The following FREM1 variants were observed in gnomAD, a reference collection of about 807,000 sequenced individuals.
FREM1 encodes the protein FRAS1 related extracellular matrix 1.
Under a neutral mutation model 210.1 loss-of-function variants are expected in FREM1, and 220 were observed. The observed-to-expected ratio is 1.05, with a 90% confidence interval of 0.94 to 1.17. The LOEUF is 1.17. FREM1 is among the 50% of genes most tolerant of loss of function. The pLI, the probability that FREM1 is intolerant of heterozygous loss-of-function variation, is 0.00. For synonymous variants in FREM1, 1,189 were observed against 980.2 expected, an observed-to-expected ratio of 1.21 and a Z score of -3.98; for missense variants, 3,454 against 2,675.5, an observed-to-expected ratio of 1.29 and a Z score of -6.42.
rs534937227 is a variant in FREM1, at chr9:14,876,235, A to T, written c.-267-6991T>A. Among the ~76,000 whole-genome samples, 734 of 152,288 alleles carry T rather than the reference A, an allele frequency of 4.8e-3. 6 individuals are homozygous for T. Among genetic ancestry groups the T allele is most frequent in the African/African-American group, 0.017 (713 of 41,544 alleles). ...GTCAGACAGGGACATTTAAGTCTGCAGAGGTTACTGCTGTCTTTTTGTTTT... is the reference window on the plus strand; with the variant it reads ...GTCAGACAGGGACATTTAAGTCTGCTGAGGTTACTGCTGTCTTTTTGTTTT... On this transcript the variant is annotated intron_variant, in intron 1 of 36. Transcript: ENST00000380880.
At chr9:14,868,622 C>G (rs758087096) in intron 2 of FREM1, 122 bp downstream of exon 2, 1 of 677,748 alleles carries the variant, frequency 1.5e-6, no homozygotes, top group Non-Finnish European at 2.6e-6. Context: ...TGAACATCTT[C>G]TAATACTCGT....
chr9:14,835,380 A>T (rs1211481578), intron 10 of FREM1, among the ~76,000 whole-genome samples: 3 of 152,228 alleles, frequency 2.0e-5, no homozygotes, highest in Non-Finnish European at 4.4e-5. Context: ...TGCAATAAGA[A>T]TCAATTTTTC....
At chr9:14,847,008 G>A (rs1286653211) in intron 7 of FREM1, among the ~76,000 whole-genome samples, 1 of 152,210 alleles carries the variant, frequency 6.6e-6, no homozygotes, top group Non-Finnish European at 1.5e-5. Context: ...TGCACCAGGG[G>A]ACCCAGGAAG....
chr9:14,840,106 T>C (rs182232700), intron 10 of FREM1, among the ~76,000 whole-genome samples: 3 of 152,314 alleles, frequency 2.0e-5, no homozygotes, highest in Non-Finnish European at 4.4e-5. Flanking sequence ...TCTCCTTCTG[T>C]TATACTCTTC....
In FREM1 at chr9:14,824,935, C is replaced by G; in HGVS notation, c.1939G>C (p.Val647Leu). The G allele has an allele frequency of 6.2e-7, 1 of 1,607,290 alleles. No homozygotes were observed. The highest frequency in any genetic ancestry group is 8.5e-7 in the Non-Finnish European group (1 of 1,178,392). ...TCCTTGACAACCAAATGCCGAGAAA[C>G]TCCAGGAGCCTCTTTTGGAAGCTGG... ...DDQLPKEAPG[V>L]SRHLVVKETE... The change falls in exon 11 of 37, where the codon GTT (valine) becomes CTT (leucine). Residue 647 changes from valine (V) to leucine (L), a missense_variant. Physicochemically the swap from Val to Leu is conservative, Grantham distance 32. Coordinates refer to ENST00000380880, the MANE Select transcript of FREM1 (RefSeq NM_001379081.2).
chr9:14,746,537 G>C (rs1842470091), intron 34 of FREM1, 69 bp from the exon 35 acceptor site: 1 of 1,186,700 alleles, frequency 8.4e-7, no homozygotes, highest in Admixed American at 1.7e-5. Flanking sequence ...AGCATAAGGA[G>C]TCCTACGAGT....
chr9:14,750,022 T>C, intron 30 of FREM1, 105 bp downstream of exon 30: 1 of 1,188,276 alleles, frequency 8.4e-7, no homozygotes, highest in Non-Finnish European at 1.2e-6. Context: ...TGACAAGAAA[T>C]TAAGCATTTT....
At chr9:14,807,411 A>C (rs1444018087) in intron 17 of FREM1, among the ~76,000 whole-genome samples, 1 of 152,206 alleles carries the variant, frequency 6.6e-6, no homozygotes, top group Non-Finnish European at 1.5e-5. Flanking sequence ...GCAAATTACA[A>C]TAACATTCAT....
At chr9:14,809,687 G>A (rs1160540642) in intron 16 of FREM1, among the ~76,000 whole-genome samples, 3 of 152,190 alleles carry the variant, frequency 2.0e-5, no homozygotes, top group Non-Finnish European at 4.4e-5. Context: ...AATTCACTCA[G>A]TAAATATTTA....
Position 14,737,411 on chromosome 9 carries a change from A to T in FREM1, c.6525T>A (p.Cys2175Ter). 1 of 1,613,658 alleles carries T rather than the reference A, an allele frequency of 6.2e-7. No homozygotes were observed. Among genetic ancestry groups the T allele is most frequent in the South Asian group, 1.1e-5 (1 of 91,036 alleles). ...CRRAKPHNYVCSRKL is the reference protein window; with the variant it reads ...CRRAKPHNYV ...TCTGTTATATTTAGAGTTTTCTGGAACACACATAATTATGAGGTTTGGCTC... is the reference window on the plus strand; with the variant it reads ...TCTGTTATATTTAGAGTTTTCTGGATCACACATAATTATGAGGTTTGGCTC... Residue 2175 changes from cysteine (C) to a stop codon, truncating the protein, a stop_gained, in exon 37 of 37, where the codon TGT becomes TGA. Coordinates refer to ENST00000380880, the MANE Select transcript of FREM1 (RefSeq NM_001379081.2). LOFTEE classifies it high-confidence loss of function.
At chr9:14,763,580 G>A (rs1005036708) in intron 27 of FREM1, among the ~76,000 whole-genome samples, 1 of 152,188 alleles carries the variant, frequency 6.6e-6, no homozygotes, top group African/African-American at 2.4e-5. Flanking sequence ...ACATGGCATG[G>A]AGCAGTGGAA....
chr9:14,824,749 CTT>C (rs1564013415), intron 11 of FREM1, 45 bp downstream of exon 11: 3 of 1,347,732 alleles, frequency 2.2e-6, no homozygotes, highest in East Asian at 4.8e-5. Flanking sequence ...ACACTTTCAA[CTT>C]TGCAATCCTA....
At chr9:14,891,494 A>G (rs10124579) in intron 1 of FREM1, among the ~76,000 whole-genome samples, 24,808 of 152,242 alleles carry the variant, frequency 0.16, 5,313 homozygotes, top group African/African-American at 0.49. Context: ...GGGGAGGCTG[A>G]GGCAGGAGGA....
At chr9:14,862,090 G>A (rs1588451911) in intron 3 of FREM1, among the ~76,000 whole-genome samples, 1 of 152,186 alleles carries the variant, frequency 6.6e-6, no homozygotes, top group Non-Finnish European at 1.5e-5. Flanking sequence ...TCTTCCTAAG[G>A]AATCCTTGAG....
At chr9:14,838,602 TCCCTAGTCCCTA>T (rs1472388122) in intron 10 of FREM1, among the ~76,000 whole-genome samples, 1 of 152,110 alleles carries the variant, frequency 6.6e-6, no homozygotes, top group Non-Finnish European at 1.5e-5. Flanking sequence ...TCTCACTCCC[TCCCTAGTCCCTA>T]CCAAATGTTT....
intron 1 of FREM1, among the ~76,000 whole-genome samples, chr9:14,896,889 C>T (rs187949747): frequency 6.6e-6 from 1 of 152,310 alleles, no homozygotes; most frequent in Admixed American, 6.5e-5. Flanking sequence ...CAGCATTGCT[C>T]CTCAAGCTGT....
intron 3 of FREM1, among the ~76,000 whole-genome samples, chr9:14,861,791 G>A (rs1410761376): frequency 4.6e-5 from 7 of 152,274 alleles, no homozygotes; most frequent in Non-Finnish European, 1.0e-4. Context: ...AGAGGCATGA[G>A]CCACTGCGCC....
chr9:14,781,598 T>A (rs1818340242), intron 24 of FREM1, among the ~76,000 whole-genome samples: 1 of 152,192 alleles, frequency 6.6e-6, no homozygotes, highest in Non-Finnish European at 1.5e-5. Context: ...GTTTTTAGTA[T>A]CAACACCCAC....
intron 7 of FREM1, among the ~76,000 whole-genome samples, chr9:14,847,733 C>T (rs147382072): frequency 4.7e-4 from 72 of 152,250 alleles, no homozygotes; most frequent in African/African-American, 1.7e-3. Flanking sequence ...ATGTTCAAAG[C>T]AGCCAAAATG....
Sources: gnomAD v4.1 joint callset for allele counts (sites outside exome capture counted in the v4.1 genomes callset) on GRCh38, gnomAD v4.1.1 for gene constraint, MANE v1.5 for transcripts, NCBI Gene and HGNC (gene_info 2026-07-23, HGNC 2026-07-21) for gene names.